The following CERS6 variants were observed in gnomAD, a reference collection of about 807,000 sequenced individuals.
CERS6 encodes ceramide synthase 6, also known as LAG1 homolog, ceramide synthase 6.
In CERS6, 26 loss-of-function variants were observed where a neutral mutation model predicts 56.8. The observed-to-expected ratio is 0.46, with a 90% confidence interval of 0.34 to 0.63. The LOEUF (loss-of-function observed/expected upper bound fraction) is 0.63. CERS6 is among the 30% of genes least tolerant of loss of function. CERS6 has a pLI of 0.01. For missense variants in CERS6, 415 were observed against 467.5 expected (o/e 0.89, Z 1.04); for synonymous variants, 164 against 173.3 (o/e 0.95, Z 0.42).
chr2:168,534,198 G>T (rs138755487), intron 1 of CERS6, among the ~76,000 whole-genome samples: 1 of 152,026 alleles, frequency 6.6e-6, no homozygotes, highest in African/African-American at 2.4e-5. Flanking sequence ...TTTATTACCC[G>T]TCTTCTGAAG....
chr2:168,688,437 A>G (rs1371687739), intron 4 of CERS6, among the ~76,000 whole-genome samples: 2 of 150,528 alleles, frequency 1.3e-5, no homozygotes, highest in Admixed American at 6.6e-5. Flanking sequence ...AAAAGAAGTT[A>G]TGCCCAAATT....
At chr2:168,526,827 A>G (rs115834294) in intron 1 of CERS6, among the ~76,000 whole-genome samples, 2,561 of 152,346 alleles carry the variant, frequency 0.017, 32 homozygotes, top group Non-Finnish European at 0.023. Flanking sequence ...GTCAGTTAGT[A>G]TCTCTTTAGT....
At chr2:168,591,669 C>T (rs1683674639) in intron 3 of CERS6, among the ~76,000 whole-genome samples, 1 of 152,166 alleles carries the variant, frequency 6.6e-6, no homozygotes. Flanking sequence ...CTTGCAGTGC[C>T]CTAGCAAAAG....
At chr2:168,760,581 G>A (rs1407816272) in intron 8 of CERS6, among the ~76,000 whole-genome samples, 1 of 152,028 alleles carries the variant, frequency 6.6e-6, no homozygotes, top group Non-Finnish European at 1.5e-5. Flanking sequence ...TGTCACCATA[G>A]GTTCATGATG....
intron 8 of CERS6, among the ~76,000 whole-genome samples, chr2:168,720,971 A>C (rs1288307102): frequency 6.6e-6 from 1 of 152,218 alleles, no homozygotes; most frequent in Non-Finnish European, 1.5e-5. Flanking sequence ...GTGATGGACC[A>C]CATATATGGC....
chr2:168,720,145 G>A (rs1687325396), intron 8 of CERS6, among the ~76,000 whole-genome samples: 1 of 151,210 alleles, frequency 6.6e-6, no homozygotes. Context: ...GGCCAAGCTG[G>A]TCTCAAACTC....
chr2:168,499,921 TG>T (rs1694549586), intron 1 of CERS6, among the ~76,000 whole-genome samples: 1 of 152,126 alleles, frequency 6.6e-6, no homozygotes, highest in Admixed American at 6.6e-5. Context: ...CTCTCATTAT[TG>T]GGCTGGATGG....
chr2:168,549,463 C>T (rs139779359), intron 2 of CERS6, among the ~76,000 whole-genome samples: 199 of 152,208 alleles, frequency 1.3e-3, no homozygotes, highest in African/African-American at 4.3e-3. Context: ...GGTGAGACCC[C>T]ATCTCTACTA....
intron 8 of CERS6, among the ~76,000 whole-genome samples, chr2:168,758,519 T>C (rs1416288768): frequency 6.6e-6 from 1 of 152,132 alleles, no homozygotes; most frequent in African/African-American, 2.4e-5. Context: ...GGAGGCAAAT[T>C]TGCGGTTACT....
chr2:168,596,093 A>AG (rs1683790792), intron 3 of CERS6, among the ~76,000 whole-genome samples: 3 of 151,740 alleles, frequency 2.0e-5, no homozygotes, highest in Admixed American at 6.6e-5. Flanking sequence ...AAAAAAAAAA[A>AG]AAAGGATAAA....
chr2:168,669,161 ACT>A (rs951478391), intron 4 of CERS6, among the ~76,000 whole-genome samples: 52 of 152,146 alleles, frequency 3.4e-4, no homozygotes, highest in African/African-American at 1.1e-3. Flanking sequence ...GGATATGGGG[ACT>A]CTCTGTCTTT....
chr2:168,525,905 AT>A (rs1319488163), intron 1 of CERS6, among the ~76,000 whole-genome samples: 1 of 152,176 alleles, frequency 6.6e-6, no homozygotes, highest in East Asian at 1.9e-4. Flanking sequence ...AATGACCTTC[AT>A]TTTAAAAATT....
intron 2 of CERS6, among the ~76,000 whole-genome samples, chr2:168,555,000 G>A: frequency 6.6e-6 from 1 of 151,996 alleles, no homozygotes; most frequent in Non-Finnish European, 1.5e-5. Context: ...TTACCTCTGA[G>A]GCGTGATAGA....
At chr2:168,578,565 C>T (rs1292405522) in intron 3 of CERS6, among the ~76,000 whole-genome samples, 1 of 152,006 alleles carries the variant, frequency 6.6e-6, no homozygotes, top group African/African-American at 2.4e-5. Flanking sequence ...GGAAGCACAT[C>T]CAGATATGCC....
At chr2:168,706,272 T>C (rs1393567529) in intron 6 of CERS6, among the ~76,000 whole-genome samples, 1 of 152,220 alleles carries the variant, frequency 6.6e-6, no homozygotes, top group Non-Finnish European at 1.5e-5. Context: ...ACTATCTTAC[T>C]GTTTTCTATT....
At position 168,694,955 on chromosome 2, in the gene CERS6, T is replaced by G; in HGVS notation, c.517-4T>G. 6.2e-7 allele frequency: 1 copy of G among 1,611,582 alleles called. No homozygotes were observed. Among genetic ancestry groups the G allele is most frequent in the Non-Finnish European group, 8.5e-7 (1 of 1,178,270 alleles). ...ATCATTCCTTTTTTTTCTTTCACCT[T>G]CAGCCACTCACAACTGACCTTCACT... On this transcript the variant is annotated splice_region_variant and splice_polypyrimidine_tract_variant and intron_variant, in intron 5 of 9. Coordinates refer to ENST00000305747, the MANE Select transcript of CERS6 (RefSeq NM_203463.3).
At chr2:168,546,166 A>G (rs1211032829) in intron 1 of CERS6, among the ~76,000 whole-genome samples, 2 of 152,188 alleles carry the variant, frequency 1.3e-5, no homozygotes, top group African/African-American at 4.8e-5. Context: ...CCATAGCCCC[A>G]TGATTATCAT....
intron 8 of CERS6, among the ~76,000 whole-genome samples, chr2:168,756,355 G>A (rs1684416155): frequency 6.6e-6 from 1 of 152,158 alleles, no homozygotes; most frequent in Admixed American, 6.5e-5. Context: ...AAGGGCACAG[G>A]GCTGGCACTC....
chr2:168,648,161 G>C (rs1035764295), intron 4 of CERS6, among the ~76,000 whole-genome samples: 9 of 151,996 alleles, frequency 5.9e-5, no homozygotes, highest in South Asian at 2.1e-4. Flanking sequence ...TGTTGTTGTT[G>C]TTGGTAGGCT....
Sources: allele counts gnomAD v4.1 joint callset (sites outside exome capture counted in the v4.1 genomes callset), GRCh38; gene constraint gnomAD v4.1.1; transcripts MANE v1.5; gene names NCBI Gene and HGNC (gene_info 2026-07-23, HGNC 2026-07-21).